The following MCU variants were observed in gnomAD, a reference collection of about 807,000 sequenced individuals.
MCU encodes mitochondrial calcium uniporter, also known as calcium uniporter protein, mitochondrial.
MCU carries 12 observed loss-of-function variants against 45.2 expected under a neutral mutation model. The observed-to-expected ratio is 0.27, with a 90% CI of 0.17 to 0.43. MCU has a LOEUF of 0.43. Ranked by LOEUF, MCU falls within the 20% of genes least tolerant of loss-of-function variation. The pLI is 1.00. For missense variants in MCU, 324 were observed against 436.7 expected (o/e 0.74, Z 2.30); for synonymous variants, 160 against 165.1 (o/e 0.97, Z 0.24).
chr10:72,803,555 A>AT (rs761462825), intron 1 of MCU, among the ~76,000 whole-genome samples: 2 of 151,566 alleles, frequency 1.3e-5, no homozygotes, highest in Non-Finnish European at 2.9e-5. Flanking sequence ...CTGTTCTCCA[A>AT]TTTTTTTTGT....
rs554365860 is a variant in MCU, at chr10:72,720,211, G to A, written c.150+27910G>A. On this transcript the variant is annotated intron_variant, in intron 1 of 7. Coordinates refer to ENST00000373053, the MANE Select transcript of MCU (RefSeq NM_138357.3). Reference sequence around the variant, plus strand: ...GTGACTGCTTACTAACTTTCAGGTTGTGTGACATGCCATACATACATGATT... The same window carrying A: ...GTGACTGCTTACTAACTTTCAGGTTATGTGACATGCCATACATACATGATT... Among the ~76,000 whole-genome samples the A allele has an allele frequency of 3.3e-5, 5 of 152,264 alleles. No homozygotes were observed. In the South Asian group the frequency reaches 1.0e-3, roughly 32 times the overall value.
At chr10:72,884,908 G>C (rs1169791046) in intron 7 of MCU, among the ~76,000 whole-genome samples, 1 of 152,088 alleles carries the variant, frequency 6.6e-6, no homozygotes, top group Non-Finnish European at 1.5e-5. Flanking sequence ...CAAATTTCTG[G>C]ATGTGCCTCC....
chr10:72,763,342 C>T (rs1843680992), intron 1 of MCU, among the ~76,000 whole-genome samples: 1 of 151,956 alleles, frequency 6.6e-6, no homozygotes, highest in Admixed American at 6.6e-5. Context: ...AGTTTAGGAG[C>T]CCAGGAAAAG....
At chr10:72,814,755 T>TA (rs1163591459) in intron 1 of MCU, among the ~76,000 whole-genome samples, 2 of 152,232 alleles carry the variant, frequency 1.3e-5, no homozygotes, top group African/African-American at 4.8e-5. Context: ...TATATTATCT[T>TA]AAGGGTCTAA....
At chr10:72,713,403 C>T (rs1042572084) in intron 1 of MCU, among the ~76,000 whole-genome samples, 1 of 152,170 alleles carries the variant, frequency 6.6e-6, no homozygotes, top group East Asian at 1.9e-4. Context: ...CCTCAGCCTC[C>T]CGAGTAGCTG....
intron 4 of MCU, among the ~76,000 whole-genome samples, chr10:72,864,535 T>C (rs972516710): frequency 7.9e-5 from 12 of 151,770 alleles, no homozygotes; most frequent in Non-Finnish European, 1.8e-4. Flanking sequence ...CCCTTCTTTA[T>C]GATTTTAATG....
rs888571889 is a variant in MCU at position 72,884,336 on chromosome 10, G to A, written c.932G>A (p.Arg311His). 6.8e-6 allele frequency: 11 copies of A among 1,612,382 alleles called. No homozygotes were observed. The highest frequency in any genetic ancestry group is 1.6e-4 in the Middle Eastern group (1 of 6,076). ...LFFHKGAKKS[R>H]FDLEKYNQLK... ...TTCCATAAAGGAGCCAAAAAGTCAC[G>A]TTTTGACCTAGAGAAATACAATCAA... Residue 311 changes from arginine to histidine, a missense_variant, in exon 7 of 8, where the codon CGT becomes CAT. By Grantham distance (29) the Arg-to-His change is conservative (BLOSUM62 0). Around this residue, in one of 4 missense-constraint regions of MCU, gnomAD observed 76 missense variants for 99.4 expected, o/e 0.76. Transcript: ENST00000373053.
chr10:72,871,841 T>A (rs1249870408), intron 6 of MCU, among the ~76,000 whole-genome samples: 1 of 152,158 alleles, frequency 6.6e-6, no homozygotes, highest in Non-Finnish European at 1.5e-5. Context: ...TTCAGAGAAA[T>A]ATACTACAGT....
intron 1 of MCU, among the ~76,000 whole-genome samples, chr10:72,812,270 C>T (rs1589474566): frequency 1.3e-5 from 2 of 152,032 alleles, no homozygotes; most frequent in African/African-American, 4.8e-5. Context: ...CTCAGCCTCC[C>T]GAGTAGCTGG....
In MCU at chr10:72,839,712, G is replaced by A. The variant is rs189118982; in HGVS notation, c.220+5284G>A. Among the ~76,000 whole-genome samples, 527 of 151,934 alleles carry A rather than the reference G, an allele frequency of 3.5e-3. 3 individuals carry two copies. The highest frequency in any genetic ancestry group is 0.012 in the African/African-American group (481 of 41,418). ...CTCACACCTGTAATCCCAGCACTTT[G>A]GGAGGCTGAGGCGGGCAGATCATGA... On this transcript the variant is annotated intron_variant, in intron 2 of 7. Transcript: ENST00000373053.
intron 1 of MCU, chr10:72,693,059 C>A (rs1191280265): frequency 5.2e-6 from 8 of 1,536,048 alleles, no homozygotes; most frequent in Admixed American, 2.0e-5. Context: ...ACAGGAGAAG[C>A]GAATATGGTA....
intron 1 of MCU, among the ~76,000 whole-genome samples, chr10:72,824,509 C>T (rs1440576369): frequency 1.3e-5 from 2 of 151,924 alleles, no homozygotes; most frequent in Non-Finnish European, 2.9e-5. Flanking sequence ...GCGCCCGGCC[C>T]ATGATGTCTA....
At chr10:72,847,416 C>G (rs1039675209) in intron 2 of MCU, among the ~76,000 whole-genome samples, 10 of 152,056 alleles carry the variant, frequency 6.6e-5, no homozygotes, top group African/African-American at 2.4e-4. Context: ...GGGTTGCAAC[C>G]TTCAGGGTGG....
chr10:72,744,092 A>G (rs1250813313), intron 1 of MCU, among the ~76,000 whole-genome samples: 1 of 151,456 alleles, frequency 6.6e-6, no homozygotes, highest in African/African-American at 2.4e-5. Context: ...TAAAATATAC[A>G]TGCATCTTCC....
At chr10:72,794,955 G>C (rs1844221753) in intron 1 of MCU, among the ~76,000 whole-genome samples, 2 of 151,994 alleles carry the variant, frequency 1.3e-5, no homozygotes, top group Admixed American at 6.6e-5. Flanking sequence ...AGAATAGCTT[G>C]CTTTTTGGAT....
chr10:72,857,244 C>A (rs1382959057), intron 2 of MCU, among the ~76,000 whole-genome samples: 1 of 151,110 alleles, frequency 6.6e-6, no homozygotes, highest in Non-Finnish European at 1.5e-5. Context: ...GGATTAAACC[C>A]CCCCCTTTTT....
chr10:72,807,498 A>C (rs1409039360), intron 1 of MCU, among the ~76,000 whole-genome samples: 1 of 152,140 alleles, frequency 6.6e-6, no homozygotes, highest in African/African-American at 2.4e-5. Flanking sequence ...CATTTTTATT[A>C]GAAAAGGAGG....
intron 1 of MCU, among the ~76,000 whole-genome samples, chr10:72,718,466 T>C (rs1258140221): frequency 1.3e-5 from 2 of 152,212 alleles, no homozygotes; most frequent in Non-Finnish European, 2.9e-5. Context: ...CCTACGTCAA[T>C]AAGTTTTTTC....
chr10:72,710,304 C>G (rs1281202849), intron 1 of MCU, among the ~76,000 whole-genome samples: 2 of 152,002 alleles, frequency 1.3e-5, no homozygotes, highest in Non-Finnish European at 2.9e-5. Context: ...GATTCTAGAG[C>G]TTTTAACATG....
Sources: allele counts gnomAD v4.1 joint callset (sites outside exome capture counted in the v4.1 genomes callset), GRCh38; gene constraint gnomAD v4.1.1; regional missense constraint gnomAD v4.1.1; transcripts MANE v1.5; gene names NCBI Gene and HGNC (gene_info 2026-07-23, HGNC 2026-07-21).